FAM135B: variants seen among roughly 807,000 people sequenced by gnomAD.
FAM135B encodes protein FAM135B.
Under a neutral mutation model 127.7 loss-of-function variants are expected in FAM135B, and 43 were observed. The ratio of observed to expected loss-of-function variants is 0.34; its 90% CI spans 0.26 to 0.43. FAM135B has a LOEUF of 0.43. Ranked by LOEUF, FAM135B falls within the 20% of genes least tolerant of loss-of-function variation. The pLI is 1.00. For synonymous variants in FAM135B, 670 were observed against 665.1 expected (o/e 1.01, Z -0.11); for missense variants, 1,558 against 1,725.6 (o/e 0.90, Z 1.72).
intron 1 of FAM135B, among the ~76,000 whole-genome samples, chr8:138,397,853 C>G (rs1046419174): frequency 6.6e-6 from 1 of 152,152 alleles, no homozygotes; most frequent in Admixed American, 6.5e-5. Context: ...CTTCCTTGCC[C>G]AGGGCAGCCC....
At chr8:138,478,660 A>G (rs1363530447) in intron 1 of FAM135B, among the ~76,000 whole-genome samples, 1 of 152,180 alleles carries the variant, frequency 6.6e-6, no homozygotes, top group African/African-American at 2.4e-5. Flanking sequence ...AACTCTACGG[A>G]TAAAATTGGG....
intron 4 of FAM135B, among the ~76,000 whole-genome samples, chr8:138,260,199 C>T (rs1420797249): frequency 6.6e-6 from 1 of 152,180 alleles, no homozygotes; most frequent in Non-Finnish European, 1.5e-5. Context: ...TCTTTACCCT[C>T]TAGTGGTGTT....
At position 138,351,972 on chromosome 8, in the gene FAM135B, A is replaced by G. The variant is rs78194893; in HGVS notation, c.77+15935T>C. 8.8e-3 allele frequency among the ~76,000 whole-genome samples: 1,345 copies of G among 152,250 alleles called. 25 individuals carry two copies. The highest frequency in any genetic ancestry group is 0.031 in the African/African-American group (1,290 of 41,556). ...CCCAAAGTGCTGGGATTACAGGTGT[A>G]AGCCACTACGTTCGACCAGATTATT... is the stretch of plus-strand genomic sequence containing the variant. On this transcript the variant is annotated intron_variant, in intron 2 of 19. Coordinates refer to ENST00000395297, the MANE Select transcript of FAM135B (RefSeq NM_015912.4).
intron 1 of FAM135B, among the ~76,000 whole-genome samples, chr8:138,411,734 T>G (rs906563479): frequency 6.6e-6 from 1 of 152,088 alleles, no homozygotes; most frequent in Non-Finnish European, 1.5e-5. Flanking sequence ...CGCAACCTAC[T>G]CATCTGACAA....
At chr8:138,248,845 G>A (rs1029463355) in intron 6 of FAM135B, among the ~76,000 whole-genome samples, 47 of 139,120 alleles carry the variant, frequency 3.4e-4, no homozygotes, top group Admixed American at 8.6e-4. Flanking sequence ...AACAATAAAA[G>A]TAAAATAAAA....
At position 138,367,887 on chromosome 8, in the gene FAM135B, A is replaced by ACACACACAC; in HGVS notation, c.77+19_77+20insGTGTGTGTG. ...CACACACACACACACACACACACAC[A>ACACACACAC]AATTGTAAAGCATACTTACCCTCTC... is the stretch of plus-strand genomic sequence containing the variant. On this transcript the variant is annotated intron_variant, in intron 2 of 19. Coordinates refer to ENST00000395297, the MANE Select transcript of FAM135B (RefSeq NM_015912.4). The ACACACACAC allele has an allele frequency of 6.4e-7, 1 of 1,573,548 alleles. No homozygotes were observed. The highest frequency in any genetic ancestry group is 1.3e-5 in the African/African-American group (1 of 74,112).
chr8:138,346,877 G>T (rs918121064), intron 2 of FAM135B, among the ~76,000 whole-genome samples: 1 of 152,128 alleles, frequency 6.6e-6, no homozygotes, highest in African/African-American at 2.4e-5. Flanking sequence ...TCAACTGAAG[G>T]CCTGGCAGGT....
chr8:138,248,589 G>A (rs1029817537), intron 6 of FAM135B, among the ~76,000 whole-genome samples: 1 of 152,198 alleles, frequency 6.6e-6, no homozygotes, highest in Non-Finnish European at 1.5e-5. Flanking sequence ...GGAGGCTGAG[G>A]TGTGTGGATT....
intron 1 of FAM135B, among the ~76,000 whole-genome samples, chr8:138,476,733 CAGTT>C (rs1217981518): frequency 6.6e-6 from 1 of 152,078 alleles, no homozygotes; most frequent in East Asian, 1.9e-4. Context: ...TCTGGGCAAA[CAGTT>C]AGCATTTTTT....
At chr8:138,143,854 A>G (rs1817426513) in intron 15 of FAM135B, among the ~76,000 whole-genome samples, 2 of 152,234 alleles carry the variant, frequency 1.3e-5, no homozygotes, top group South Asian at 4.1e-4. Flanking sequence ...AGGATGTCTC[A>G]CAAATGTCTA....
Position 138,323,025 on chromosome 8 carries a change from GA to G in FAM135B, c.78-12106del, listed in dbSNP as rs542095316. On this transcript the variant is annotated intron_variant, in intron 2 of 19. Transcript: ENST00000395297. ...TATGCGCCCACCACTGTAGGACTAT[GA>G]ACCATTCTGTTGCATTTTATTGGCC... Among the ~76,000 whole-genome samples, 271 of 152,342 alleles carry G rather than the reference GA, an allele frequency of 1.8e-3. 1 individual carries two copies. Among genetic ancestry groups the G allele is most frequent in the African/African-American group, 5.7e-3 (238 of 41,576 alleles).
chr8:138,480,391 G>A (rs1814725918), intron 1 of FAM135B, among the ~76,000 whole-genome samples: 1 of 152,142 alleles, frequency 6.6e-6, no homozygotes, highest in African/African-American at 2.4e-5. Context: ...TCTGTAGGCT[G>A]TTGTCATCAG....
chr8:138,152,663 G>A lies in FAM135B; in HGVS notation c.1812C>T (p.Ala604=), dbSNP rs1466665796. Residue 604 remains alanine, a synonymous_variant, in exon 13 of 20, where the codon GCC becomes GCT. Coordinates refer to ENST00000395297, the MANE Select transcript of FAM135B (RefSeq NM_015912.4). The stretch of plus-strand genomic sequence containing the variant: ...GGAGAGTTGTTTTGTCTGAAGAGAT[G>A]GCATTTTGGTGGCTTCCACCTACTA... The part of the protein sequence containing the change: ...KVVVGGSHQN[A]ISSDKTTLHE... 6.2e-7 allele frequency: 1 copy of A among 1,614,032 alleles called. No individual in the cohort carries two copies. The highest frequency in any genetic ancestry group is 1.3e-5 in the African/African-American group (1 of 74,900).
chr8:138,339,318 A>G (rs533879533), intron 2 of FAM135B, among the ~76,000 whole-genome samples: 10 of 151,324 alleles, frequency 6.6e-5, no homozygotes, highest in African/African-American at 2.4e-4. Flanking sequence ...ATTTACTCAG[A>G]TTTGATAAGT....
intron 1 of FAM135B, chr8:138,458,997 C>G (rs1345740735): frequency 6.6e-6 from 1 of 152,220 alleles, no homozygotes; most frequent in Non-Finnish European, 1.5e-5. Flanking sequence ...CACAGGCAAG[C>G]CCAGGGAATA....
At chr8:138,240,600 G>A (rs1004698229) in intron 7 of FAM135B, among the ~76,000 whole-genome samples, 1 of 152,198 alleles carries the variant, frequency 6.6e-6, no homozygotes, top group African/African-American at 2.4e-5. Flanking sequence ...GCTGGCCCTA[G>A]GGATGGGGAG....
intron 1 of FAM135B, among the ~76,000 whole-genome samples, chr8:138,399,296 G>T (rs928255410): frequency 1.3e-5 from 2 of 152,048 alleles, no homozygotes; most frequent in African/African-American, 4.8e-5. Context: ...ACTTATTGTC[G>T]CTTTCCATTT....
intron 3 of FAM135B, among the ~76,000 whole-genome samples, chr8:138,301,793 C>G (rs906774746): frequency 6.6e-6 from 1 of 152,200 alleles, no homozygotes; most frequent in African/African-American, 2.4e-5. Flanking sequence ...CAAATAGATG[C>G]ACACAATTTT....
At chr8:138,214,268 A>C (rs988141223) in intron 7 of FAM135B, among the ~76,000 whole-genome samples, 1 of 152,218 alleles carries the variant, frequency 6.6e-6, no homozygotes, top group African/African-American at 2.4e-5. Flanking sequence ...AGTTCTATCA[A>C]GAATAATTAT....
Sources: allele counts gnomAD v4.1 joint callset (sites outside exome capture counted in the v4.1 genomes callset), GRCh38; gene constraint gnomAD v4.1.1; transcripts MANE v1.5; gene names NCBI Gene and HGNC (gene_info 2026-07-23, HGNC 2026-07-21).